EFCAB6: variants seen among roughly 807,000 people sequenced by gnomAD.
EFCAB6 encodes EF-hand calcium-binding domain-containing protein 6.
A neutral mutation model predicts 169.8 loss-of-function variants in EFCAB6; 156 were observed. That is an observed-to-expected ratio of 0.92 (90% confidence interval 0.81 to 1.05). The LOEUF (loss-of-function observed/expected upper bound fraction) is 1.05. Ranked by LOEUF, EFCAB6 falls within the 50% of genes least tolerant of loss-of-function variation. The pLI is 0.00. For synonymous variants in EFCAB6, 698 were observed against 676.4 expected, an observed-to-expected ratio of 1.03 and a Z score of -0.50; for missense variants, 1,800 against 1,829.1, an observed-to-expected ratio of 0.98 and a Z score of 0.29.
intron 15 of EFCAB6, among the ~76,000 whole-genome samples, chr22:43,671,685 T>C (rs1477140815): frequency 6.6e-6 from 1 of 152,166 alleles, no homozygotes; most frequent in Non-Finnish European, 1.5e-5. Flanking sequence ...GCCTCACAAC[T>C]CACCAGCTGT....
At chr22:43,784,157 C>A (rs1316503404) in intron 2 of EFCAB6, among the ~76,000 whole-genome samples, 1 of 152,076 alleles carries the variant, frequency 6.6e-6, no homozygotes, top group Non-Finnish European at 1.5e-5. Flanking sequence ...TACTTATTTT[C>A]AGAAACTATG....
chr22:43,809,516 T>C (rs761263882), intron 1 of EFCAB6, among the ~76,000 whole-genome samples: 4 of 152,256 alleles, frequency 2.6e-5, no homozygotes, highest in Non-Finnish European at 5.9e-5. Context: ...GTCCTGGAGT[T>C]GGAGCCATAC....
chr22:43,532,314 G>T (rs943816579), intron 30 of EFCAB6, among the ~76,000 whole-genome samples: 9 of 152,248 alleles, frequency 5.9e-5, no homozygotes, highest in Non-Finnish European at 8.8e-5. Context: ...AACTGGGGTG[G>T]CCCCTTTCAC....
At chr22:43,662,035 C>T (rs2057028039) in intron 17 of EFCAB6, among the ~76,000 whole-genome samples, 2 of 151,894 alleles carry the variant, frequency 1.3e-5, no homozygotes, top group African/African-American at 2.4e-5. Context: ...TAGCCAGGTG[C>T]CTGTAGTCCC....
intron 23 of EFCAB6, among the ~76,000 whole-genome samples, chr22:43,598,570 A>G (rs930234676): frequency 3.9e-5 from 6 of 152,174 alleles, no homozygotes; most frequent in African/African-American, 1.4e-4. Flanking sequence ...TGTTATATTG[A>G]AGTACACAAT....
intron 22 of EFCAB6, among the ~76,000 whole-genome samples, chr22:43,605,598 C>T (rs997158880): frequency 6.6e-6 from 1 of 150,964 alleles, no homozygotes; most frequent in Non-Finnish European, 1.5e-5. Context: ...AGCTGAGAAT[C>T]GTGCCACTGC....
At chr22:43,617,116 G>C (rs1032109175) in intron 20 of EFCAB6, among the ~76,000 whole-genome samples, 1 of 152,206 alleles carries the variant, frequency 6.6e-6, no homozygotes, top group Non-Finnish European at 1.5e-5. Context: ...ATGGAATTTC[G>C]AGGGTGGAAA....
At chr22:43,627,017 A>T (rs1174891829) in intron 19 of EFCAB6, among the ~76,000 whole-genome samples, 9 of 152,184 alleles carry the variant, frequency 5.9e-5, no homozygotes, top group Admixed American at 5.9e-4. Flanking sequence ...AGGAGAAAGT[A>T]CTGGAGGTTT....
intron 10 of EFCAB6, among the ~76,000 whole-genome samples, chr22:43,701,196 A>C (rs1028956674): frequency 3.9e-5 from 6 of 152,184 alleles, no homozygotes; most frequent in African/African-American, 1.4e-4. Flanking sequence ...CAAAAGAAAG[A>C]GAAACACAGT....
chr22:43,579,017 A>T lies in EFCAB6; in HGVS notation c.3228+1447T>A, dbSNP rs1423627116. ...ATCATTCCGTACACGCAGGCATCATACCCTACATGCAGGCATCATTCCCTA... is the reference window on the plus strand; with the variant it reads ...ATCATTCCGTACACGCAGGCATCATTCCCTACATGCAGGCATCATTCCCTA... On this transcript the variant is annotated intron_variant, in intron 25 of 31. Transcript: ENST00000262726. Among the ~76,000 whole-genome samples the T allele has an allele frequency of 3.0e-3, 284 of 93,728 alleles. No individual in the cohort carries two copies. In the Middle Eastern group the frequency reaches 0.036, roughly 12 times the overall value. 61.5% of individuals were successfully genotyped at this position (93,728 alleles called of 152,430 possible).
At chr22:43,620,424 C>T (rs1402458959) in intron 20 of EFCAB6, among the ~76,000 whole-genome samples, 3 of 152,020 alleles carry the variant, frequency 2.0e-5, no homozygotes, top group Admixed American at 1.3e-4. Context: ...TTATGGAGGC[C>T]AGAAGACCAT....
intron 2 of EFCAB6, among the ~76,000 whole-genome samples, chr22:43,808,383 C>T (rs2062991562): frequency 6.6e-6 from 1 of 152,186 alleles, no homozygotes; most frequent in South Asian, 2.1e-4. Context: ...AGCAAGTATT[C>T]TTAACATGGA....
chr22:43,668,125 C>G (rs936322343), intron 16 of EFCAB6, among the ~76,000 whole-genome samples: 1 of 152,190 alleles, frequency 6.6e-6, no homozygotes, highest in Non-Finnish European at 1.5e-5. Context: ...TATAAAGCTG[C>G]TACTACTGAA....
At chr22:43,589,100 G>A (rs940741231) in intron 24 of EFCAB6, among the ~76,000 whole-genome samples, 1 of 151,708 alleles carries the variant, frequency 6.6e-6, no homozygotes, top group African/African-American at 2.4e-5. Flanking sequence ...TCAAGAAGTA[G>A]CAATATATGC....
chr22:43,763,100 G>A (rs560330482), intron 5 of EFCAB6, among the ~76,000 whole-genome samples: 2 of 152,016 alleles, frequency 1.3e-5, no homozygotes, highest in South Asian at 4.2e-4. Flanking sequence ...GTGCAGTGGT[G>A]CGATCTGGGC....
In EFCAB6 at chr22:43,635,236, A is replaced by G; in HGVS notation, c.1984-20T>C. 2 of 1,586,014 alleles carry G rather than the reference A, an allele frequency of 1.3e-6. No homozygotes were observed. Among genetic ancestry groups the G allele is most frequent in the Non-Finnish European group, 1.7e-6 (2 of 1,154,566 alleles). ...CAGTACCTGACGAGGGAGACAGGGGAGGGTGGAGAGGCGTTAGGTGGTCCG... is the reference window on the plus strand; with the variant it reads ...CAGTACCTGACGAGGGAGACAGGGGGGGGTGGAGAGGCGTTAGGTGGTCCG... On this transcript the variant is annotated intron_variant, in intron 17 of 31. Coordinates refer to ENST00000262726, the MANE Select transcript of EFCAB6 (RefSeq NM_022785.4).
intron 10 of EFCAB6, among the ~76,000 whole-genome samples, chr22:43,699,074 AT>A (rs1280963039): frequency 4.6e-5 from 7 of 152,044 alleles, no homozygotes; most frequent in Admixed American, 4.6e-4. Flanking sequence ...CCCTAAAAGG[AT>A]GCTGAGGCTC....
chr22:43,772,791 TG>T, intron 4 of EFCAB6, 100 bp downstream of exon 4: 1 of 1,299,698 alleles, frequency 7.7e-7, no homozygotes, highest in Non-Finnish European at 1.1e-6. Flanking sequence ...AACTGCTCAG[TG>T]GCAACAGTGG....
At chr22:43,739,989 G>A (rs1429140634) in intron 6 of EFCAB6, among the ~76,000 whole-genome samples, 2 of 151,632 alleles carry the variant, frequency 1.3e-5, no homozygotes, top group Admixed American at 1.3e-4. Context: ...CCACCCCCTG[G>A]CCGTGTCTCC....
Sources: gnomAD v4.1 joint callset for allele counts (sites outside exome capture counted in the v4.1 genomes callset) on GRCh38, gnomAD v4.1.1 for gene constraint, MANE v1.5 for transcripts, NCBI Gene and HGNC (gene_info 2026-07-23, HGNC 2026-07-21) for gene names.